C10orf90: variants seen among roughly 807,000 people sequenced by gnomAD.
C10orf90 encodes the protein chromosome 10 open reading frame 90, also known as (E2-independent) E3 ubiquitin-conjugating enzyme FATS.
Under a neutral mutation model 62.5 loss-of-function variants are expected in C10orf90, and 56 were observed. That is an observed-to-expected ratio of 0.90 (90% CI 0.72 to 1.12). The LOEUF is 1.12. Ranked by LOEUF, C10orf90 falls within the 50% of genes most tolerant of loss-of-function variation. The pLI, the probability that C10orf90 is intolerant of heterozygous loss-of-function variation, is 0.00. For missense variants in C10orf90, 970 were observed against 880.4 expected, an observed-to-expected ratio of 1.10 and a Z score of -1.29; for synonymous variants, 386 against 340.4, an observed-to-expected ratio of 1.13 and a Z score of -1.47.
At chr10:126,459,334 A>G in intron 6 of C10orf90, 117 bp from the exon 7 acceptor site, 1 of 1,165,058 alleles carries the variant, frequency 8.6e-7, no homozygotes, top group Non-Finnish European at 1.2e-6. Context: ...ACCAAAAGCC[A>G]CGGTGCAAAA....
chr10:126,480,579 C>A (rs183858434), intron 4 of C10orf90, among the ~76,000 whole-genome samples: 1 of 152,348 alleles, frequency 6.6e-6, no homozygotes. Flanking sequence ...GACTGGTGAA[C>A]ATACAGCGGC....
chr10:126,446,306 C>T (rs142566222), intron 7 of C10orf90, among the ~76,000 whole-genome samples: 50 of 151,954 alleles, frequency 3.3e-4, no homozygotes, highest in African/African-American at 9.2e-4. Context: ...ATATTCAACC[C>T]AAAGAAGACT....
intron 2 of C10orf90, among the ~76,000 whole-genome samples, chr10:126,604,144 G>T (rs1845258208): frequency 6.6e-6 from 1 of 152,142 alleles, no homozygotes; most frequent in Non-Finnish European, 1.5e-5. Context: ...CCGCATCAAG[G>T]CTGGGCTCCA....
chr10:126,648,335 C>G (rs1159781090), intron 1 of C10orf90, among the ~76,000 whole-genome samples: 1 of 152,128 alleles, frequency 6.6e-6, no homozygotes, highest in Non-Finnish European at 1.5e-5. Context: ...GAGGAAGAAG[C>G]AAGAAGGCTC....
chr10:126,642,137 C>G (rs775314904), intron 2 of C10orf90, among the ~76,000 whole-genome samples: 5 of 152,104 alleles, frequency 3.3e-5, no homozygotes, highest in Non-Finnish European at 7.3e-5. Flanking sequence ...TCCAAAAGCA[C>G]CCTTGTTTAA....
intron 1 of C10orf90, among the ~76,000 whole-genome samples, chr10:126,647,792 C>G (rs1846201405): frequency 6.6e-6 from 1 of 152,320 alleles, no homozygotes; most frequent in Middle Eastern, 3.4e-3. Context: ...TCTCCCACCT[C>G]TCAGAAAGGT....
chr10:126,559,908 A>T (rs1864863123), intron 2 of C10orf90, among the ~76,000 whole-genome samples: 1 of 152,194 alleles, frequency 6.6e-6, no homozygotes, highest in South Asian at 2.1e-4. Context: ...GACCCTCAAG[A>T]GTTTCAGAGA....
intron 2 of C10orf90, among the ~76,000 whole-genome samples, chr10:126,598,120 C>T (rs188333216): frequency 6.6e-6 from 1 of 152,314 alleles, no homozygotes; most frequent in East Asian, 1.9e-4. Context: ...AGAAGGCTAA[C>T]ATGACCCACC....
At chr10:126,552,892 A>C (rs1864669274) in intron 2 of C10orf90, among the ~76,000 whole-genome samples, 1 of 152,248 alleles carries the variant, frequency 6.6e-6, no homozygotes, top group Non-Finnish European at 1.5e-5. Context: ...AAACACTCAG[A>C]ATGCCACTGC....
Position 126,645,257 on chromosome 10 carries a change from A to AT in C10orf90, c.313+1307dup, listed in dbSNP as rs1174909346. Among the ~76,000 whole-genome samples the AT allele has an allele frequency of 9.8e-5, 13 of 132,906 alleles. No homozygotes were observed. In the South Asian group the frequency reaches 1.5e-3, roughly 15 times the overall value. The allele number at this position is 132,906 out of a possible 152,430, so 87.2% of individuals were successfully genotyped here. On this transcript the variant is annotated intron_variant, in intron 2 of 9. Transcript: ENST00000488181. ...GCACATGTACCCTAAAACTTAAAGT[A>AT]TAAAAAAAAAAAAAAAAAAAAAGCT...
chr10:126,575,896 C>T (rs1286161512), intron 2 of C10orf90, among the ~76,000 whole-genome samples: 2 of 152,064 alleles, frequency 1.3e-5, no homozygotes. Context: ...TACGTTCCAA[C>T]CTCTCACCTT....
chr10:126,532,842 C>CAAAAAAAAAAAAAAAAAAAAAA (rs1269013268), intron 2 of C10orf90, among the ~76,000 whole-genome samples: 902 of 11,738 alleles, frequency 0.077, 252 homozygotes, highest in Non-Finnish European at 0.098. Flanking sequence ...GACTACGTCT[C>CAAAAAAAAAAAAAAAAAAAAAA]AAAAAAAAAA....
intron 1 of C10orf90, among the ~76,000 whole-genome samples, chr10:126,664,930 G>A (rs531794799): frequency 2.0e-5 from 3 of 152,216 alleles, no homozygotes; most frequent in Non-Finnish European, 2.9e-5. Context: ...GGGCAGCATT[G>A]AGACCCAAGT....
At chr10:126,568,705 G>A (rs1844443097) in intron 2 of C10orf90, among the ~76,000 whole-genome samples, 2 of 152,166 alleles carry the variant, frequency 1.3e-5, no homozygotes. Context: ...GCCTACACCA[G>A]ATAGAGGGAA....
chr10:126,428,292 G>A (rs1401068695), intron 8 of C10orf90, among the ~76,000 whole-genome samples: 1 of 152,194 alleles, frequency 6.6e-6, no homozygotes, highest in Non-Finnish European at 1.5e-5. Context: ...CTGGGGTAGG[G>A]AAAGTGGGCT....
intron 2 of C10orf90, among the ~76,000 whole-genome samples, chr10:126,572,695 T>C (rs1332110939): frequency 6.6e-6 from 1 of 152,164 alleles, no homozygotes; most frequent in Non-Finnish European, 1.5e-5. Flanking sequence ...CCCGACCTCC[T>C]ATCTCATCCT....
At chr10:126,496,723 A>G in intron 4 of C10orf90, 1 of 985,076 alleles carries the variant, frequency 1.0e-6, no homozygotes, top group African/African-American at 1.7e-5. Context: ...GAATATGGGG[A>G]TGGGGAAAGG....
intron 2 of C10orf90, among the ~76,000 whole-genome samples, chr10:126,565,035 AAATAT>A (rs1844301934): frequency 5.6e-5 from 1 of 18,010 alleles, no homozygotes; most frequent in Non-Finnish European, 9.2e-5. Context: ...ATATTATATA[AAATAT>A]ATAATATATA....
At chr10:126,578,883 G>A (rs191601988) in intron 2 of C10orf90, among the ~76,000 whole-genome samples, 92 of 152,178 alleles carry the variant, frequency 6.0e-4, no homozygotes, top group Non-Finnish European at 9.7e-4. Flanking sequence ...ATAGGCCAAC[G>A]ATCTGGCCAC....
Sources: gnomAD v4.1 joint callset for allele counts (sites outside exome capture counted in the v4.1 genomes callset) on GRCh38, gnomAD v4.1.1 for gene constraint, MANE v1.5 for transcripts, NCBI Gene and HGNC (gene_info 2026-07-23, HGNC 2026-07-21) for gene names.